NAV2: variants seen among roughly 807,000 people sequenced by gnomAD.
NAV2 encodes the protein neuron navigator 2.
NAV2 carries 54 observed loss-of-function variants against 223.2 expected under a neutral mutation model. The ratio of observed to expected loss-of-function variants is 0.24; its 90% CI spans 0.19 to 0.30. The LOEUF is 0.30. Among genes scored for constraint, NAV2 ranks in the 10% least tolerant of loss-of-function variants. NAV2 has a pLI of 1.00. For synonymous variants in NAV2, 1,279 were observed against 1,239.3 expected (o/e 1.03, Z -0.67); for missense variants, 2,806 against 3,147.5 (o/e 0.89, Z 2.60).
rs78119333 is a variant in NAV2, at chr11:19,979,837, T to C, written c.2646-4288T>C. On this transcript the variant is annotated intron_variant, in intron 10 of 37. Coordinates refer to ENST00000349880, the MANE Select transcript of NAV2 (RefSeq NM_145117.5). ...ATGAGGGAACTTAAACTAGAAGAAA[T>C]TGCGCTGAAATGCGACAGTTGGGAT... Among the ~76,000 whole-genome samples, 1,314 of 152,294 alleles carry C rather than the reference T, an allele frequency of 8.6e-3. 12 individuals are homozygous for C. The highest frequency in any genetic ancestry group is 0.014 in the Non-Finnish European group (939 of 68,026).
chr11:19,786,948 G>C (rs1034523039), intron 1 of NAV2, among the ~76,000 whole-genome samples: 1 of 152,124 alleles, frequency 6.6e-6, no homozygotes, highest in South Asian at 2.1e-4. Context: ...GAAGGCTGTA[G>C]TGTGCTGTAT....
At chr11:20,060,357 CTG>C (rs1326076130) in intron 19 of NAV2, among the ~76,000 whole-genome samples, 1 of 152,248 alleles carries the variant, frequency 6.6e-6, no homozygotes, top group African/African-American at 2.4e-5. Flanking sequence ...TAACTTACCT[CTG>C]TGGAACATTA....
At chr11:19,391,098 G>A (rs921831069) in intron 1 of NAV2, among the ~76,000 whole-genome samples, 17 of 152,160 alleles carry the variant, frequency 1.1e-4, no homozygotes, top group South Asian at 4.2e-4. Flanking sequence ...GGGAGTCACC[G>A]TACCCCAAAG....
At chr11:19,977,565 C>T (rs1047986736) in intron 10 of NAV2, among the ~76,000 whole-genome samples, 3 of 152,158 alleles carry the variant, frequency 2.0e-5, no homozygotes, top group Admixed American at 6.5e-5. Context: ...GATAAATATG[C>T]CACGTTTGCC....
intron 1 of NAV2, among the ~76,000 whole-genome samples, chr11:19,521,142 G>A (rs2702708): frequency 6.6e-6 from 1 of 151,978 alleles, no homozygotes; most frequent in African/African-American, 2.4e-5. Context: ...TGAACCCTGC[G>A]TCTCCCCATC....
At chr11:19,995,329 G>A (rs905326147) in intron 11 of NAV2, among the ~76,000 whole-genome samples, 2 of 152,186 alleles carry the variant, frequency 1.3e-5, no homozygotes, top group Admixed American at 6.5e-5. Flanking sequence ...ATGATGACAT[G>A]TGTCTCATTT....
At chr11:20,005,139 A>G (rs1035068164) in intron 11 of NAV2, among the ~76,000 whole-genome samples, 16 of 152,080 alleles carry the variant, frequency 1.1e-4, no homozygotes, top group African/African-American at 3.9e-4. Context: ...CTGTCTTAAC[A>G]CTTTAAAGCC....
chr11:19,678,082 T>C (rs1288148613), intron 1 of NAV2, among the ~76,000 whole-genome samples: 1 of 152,030 alleles, frequency 6.6e-6, no homozygotes, highest in Non-Finnish European at 1.5e-5. Flanking sequence ...GCCGCAGGAA[T>C]AGGAGCGAGG....
chr11:19,546,304 G>T lies in NAV2; in HGVS notation c.75+195277G>T, dbSNP rs2044496557. On this transcript the variant is annotated intron_variant, in intron 1 of 37. Coordinates refer to the NAV2 transcript ENST00000360655. ...GAGATTCCCTCTCTCAACCCTGGCT[G>T]CCTTGTAACTGAGATCTTGCTGAGG... is the stretch of plus-strand genomic sequence containing the variant. Among the ~76,000 whole-genome samples, 3 of 152,242 alleles carry T rather than the reference G, an allele frequency of 2.0e-5. No homozygotes were observed. In the South Asian group the frequency reaches 6.2e-4, roughly 31 times the overall value.
chr11:19,779,252 C>T (rs976325485), intron 1 of NAV2, among the ~76,000 whole-genome samples: 2 of 152,164 alleles, frequency 1.3e-5, no homozygotes, highest in African/African-American at 4.8e-5. Context: ...GCTAGGGGAG[C>T]TCAAGCAACT....
intron 1 of NAV2, among the ~76,000 whole-genome samples, chr11:19,822,962 C>A (rs11025274): frequency 6.6e-6 from 1 of 151,886 alleles, no homozygotes; most frequent in Non-Finnish European, 1.5e-5. Context: ...AGCTCAAAGG[C>A]GTGTCACAAA....
intron 11 of NAV2, among the ~76,000 whole-genome samples, chr11:19,985,526 A>G (rs1417608968): frequency 1.3e-5 from 2 of 151,266 alleles, no homozygotes; most frequent in Non-Finnish European, 2.9e-5. Context: ...GTCCATAGAA[A>G]CATGAACCAT....
chr11:19,692,914 T>C (rs1192710604), intron 1 of NAV2, among the ~76,000 whole-genome samples: 1 of 152,210 alleles, frequency 6.6e-6, no homozygotes, highest in African/African-American at 2.4e-5. Context: ...TGTGCTGTTG[T>C]ACATTTGATA....
intron 1 of NAV2, among the ~76,000 whole-genome samples, chr11:19,688,477 C>T (rs7120062): frequency 0.88 from 134,395 of 152,258 alleles, 59,601 homozygotes; most frequent in Middle Eastern, 0.98. Context: ...AGCATCTTTC[C>T]GGGCATCAAG....
intron 1 of NAV2, among the ~76,000 whole-genome samples, chr11:19,619,547 A>G (rs1191932096): frequency 6.6e-6 from 1 of 152,200 alleles, no homozygotes; most frequent in African/African-American, 2.4e-5. Flanking sequence ...TGTTGGCTGC[A>G]TAAATGTCTT....
chr11:19,986,135 G>A (rs1197693115), intron 11 of NAV2, among the ~76,000 whole-genome samples: 4 of 152,204 alleles, frequency 2.6e-5, no homozygotes, highest in Non-Finnish European at 5.9e-5. Flanking sequence ...TTCATTGTAA[G>A]ATTAATGGGA....
chr11:20,017,700 T>C (rs1363555118), intron 11 of NAV2, among the ~76,000 whole-genome samples: 1 of 152,240 alleles, frequency 6.6e-6, no homozygotes, highest in Non-Finnish European at 1.5e-5. Context: ...GTTCATTTTC[T>C]ACCCCAAAGC....
intron 1 of NAV2, among the ~76,000 whole-genome samples, chr11:19,411,231 C>T (rs1462683445): frequency 6.6e-6 from 1 of 152,160 alleles, no homozygotes; most frequent in African/African-American, 2.4e-5. Context: ...GCATTAGCAG[C>T]AGGAGGTACT....
intron 1 of NAV2, among the ~76,000 whole-genome samples, chr11:19,701,385 G>A (rs74488170): frequency 2.0e-3 from 297 of 152,278 alleles, no homozygotes; most frequent in African/African-American, 6.8e-3. Flanking sequence ...TTTGAAAACT[G>A]GATTCTGCAT....
Sources: allele counts gnomAD v4.1 joint callset (sites outside exome capture counted in the v4.1 genomes callset), GRCh38; gene constraint gnomAD v4.1.1; transcripts MANE v1.5; gene names NCBI Gene and HGNC (gene_info 2026-07-23, HGNC 2026-07-21).